HNRNPUL2: variants seen among roughly 807,000 people sequenced by gnomAD.
HNRNPUL2 encodes the protein heterogeneous nuclear ribonucleoprotein U like 2.
Under a neutral mutation model 102.2 loss-of-function variants are expected in HNRNPUL2, and 27 were observed. The observed-to-expected ratio is 0.26, with a 90% CI of 0.19 to 0.36. HNRNPUL2 has a LOEUF of 0.36. Among genes scored for constraint, HNRNPUL2 ranks in the 10% least tolerant of loss-of-function variants. The pLI, the probability that HNRNPUL2 is intolerant of heterozygous loss-of-function variation, is 1.00. For synonymous variants in HNRNPUL2, 458 were observed against 387.2 expected (o/e 1.18, Z -2.15); for missense variants, 936 against 981.1 (o/e 0.95, Z 0.61).
chr11:62,720,403 G>A (rs569560235), intron 9 of HNRNPUL2, among the ~76,000 whole-genome samples: 25 of 152,122 alleles, frequency 1.6e-4, no homozygotes, highest in African/African-American at 5.8e-4. Flanking sequence ...AAATTAACTC[G>A]GCATGATGGT....
chr11:62,722,630 C>T lies in HNRNPUL2; in HGVS notation c.1066G>A (p.Gly356Arg). 6.2e-7 allele frequency: 1 copy of T among 1,614,066 alleles called. No homozygotes were observed. Among genetic ancestry groups the T allele is most frequent in the South Asian group, 1.1e-5 (1 of 91,072 alleles). The change falls in exon 6 of 14, where the codon GGG (glycine) becomes AGG (arginine). Residue 356 changes from glycine (G) to arginine (R), a missense_variant. Coordinates refer to ENST00000301785, the MANE Select transcript of HNRNPUL2 (RefSeq NM_001079559.3). The part of the protein sequence containing the change: ...GQFEEFGQTF[G>R]ENDVIGCFAN... ...AAGCAGCCAATAACATCATTCTCCC[C>T]AAAAGTCTGGCCAAATTCCTCAAAT... is the stretch of plus-strand genomic sequence containing the variant.
intron 1 of HNRNPUL2, 64 bp downstream of exon 1, chr11:62,726,555 G>GC: frequency 1.4e-6 from 2 of 1,430,132 alleles, no homozygotes; most frequent in African/African-American, 2.9e-5. Context: ...GCGGTGCAGG[G>GC]CGGGGTGCTA....
At position 62,715,224 on chromosome 11, in the gene HNRNPUL2, G is replaced by T; in HGVS notation, c.*75C>A. On this transcript the variant is annotated 3_prime_UTR_variant, in exon 14 of 14. Transcript: ENST00000301785. Reference sequence around the variant, plus strand: ...CACCCCGACAGCCCCTGTTTTCCTTGGTTGTGTTTTGCGGGGGTGCCTGGC... The same window carrying T: ...CACCCCGACAGCCCCTGTTTTCCTTTGTTGTGTTTTGCGGGGGTGCCTGGC... 1 of 962,078 alleles carries T rather than the reference G, an allele frequency of 1.0e-6. No individual in the cohort carries two copies. The highest frequency in any genetic ancestry group is 1.5e-6 in the Non-Finnish European group (1 of 659,794). 59.6% of individuals were successfully genotyped at this position (962,078 alleles called of 1,614,324 possible). A position where few individuals can be genotyped will look rare whatever the true frequency, so the allele number is the denominator to read the frequency against.
At chr11:62,719,890 C>A in intron 10 of HNRNPUL2, 133 bp downstream of exon 10, 1 of 786,256 alleles carries the variant, frequency 1.3e-6, no homozygotes, top group Non-Finnish European at 2.0e-6. Flanking sequence ...GCAAGAAGGA[C>A]CTCACCAGAT....
chr11:62,721,922 T>G lies in HNRNPUL2; in HGVS notation c.1380A>C (p.Leu460=), dbSNP rs562479885. ...CCCACTGGGTCTTTCCAGATCCGGG[T>G]AGTCCCACCATCAGAATCACCTGCA... is the stretch of plus-strand genomic sequence containing the variant. ...EECEVILMVG[L]PGSGKTQWAL... is the part of the protein sequence containing the mutation. Residue 460 remains leucine (L), a synonymous_variant, in exon 8 of 14, where the codon CTA becomes CTC. Coordinates refer to ENST00000301785, the MANE Select transcript of HNRNPUL2 (RefSeq NM_001079559.3). 1.9e-6 allele frequency: 3 copies of G among 1,614,134 alleles called. No individual in the cohort carries two copies. The South Asian group carries it at 3.3e-5, about 18-fold the overall frequency.
Position 62,722,641 on chromosome 11 carries a change from C to T in HNRNPUL2, c.1055G>A (p.Gly352Asp). Residue 352 changes from glycine (G) to aspartate (D), a missense_variant, in exon 6 of 14, where the codon GGC becomes GAC. Physicochemically the swap from Gly to Asp is moderately conservative, Grantham distance 94 (BLOSUM62 -1). Transcript: ENST00000301785. Reference sequence around the variant, plus strand: ...AACATCATTCTCCCCAAAAGTCTGGCCAAATTCCTCAAATTGTCCATTTTC... The same window carrying T: ...AACATCATTCTCCCCAAAAGTCTGGTCAAATTCCTCAAATTGTCCATTTTC... ...KAENGQFEEF[G>D]QTFGENDVIG... is the part of the protein sequence containing the mutation. The T allele has an allele frequency of 6.2e-7, 1 of 1,614,146 alleles. No homozygotes were observed. The highest frequency in any genetic ancestry group is 8.5e-7 in the Non-Finnish European group (1 of 1,180,016).
chr11:62,722,523 T>C (rs1209484930), intron 6 of HNRNPUL2, 78 bp downstream of exon 6: 4 of 1,427,284 alleles, frequency 2.8e-6, no homozygotes, highest in South Asian at 2.3e-5. Flanking sequence ...AAGCCAGCAG[T>C]TGATGGGAAG....
intron 10 of HNRNPUL2, among the ~76,000 whole-genome samples, chr11:62,717,398 A>C (rs897014507): frequency 6.6e-6 from 1 of 152,228 alleles, no homozygotes; most frequent in South Asian, 2.1e-4. Context: ...ACCCAGGCAA[A>C]GGGCTATGTA....
chr11:62,716,756 G>A (rs2083663207), intron 11 of HNRNPUL2, among the ~76,000 whole-genome samples: 2 of 152,194 alleles, frequency 1.3e-5, no homozygotes, highest in African/African-American at 4.8e-5. Flanking sequence ...ATACTTTTGT[G>A]AAAAGTAACT....
In HNRNPUL2 at chr11:62,722,261, G is replaced by A; in HGVS notation, c.1215C>T (p.Cys405=). 1 of 1,614,146 alleles carries A rather than the reference G, an allele frequency of 6.2e-7. No homozygotes were observed. Among genetic ancestry groups the A allele is most frequent in the Non-Finnish European group, 8.5e-7 (1 of 1,180,022 alleles). ...AGTTTAATTCTACAACACAATTTTTGCAGAGGACATGGGGTAGAAGGGCCC... is the reference window on the plus strand; with the variant it reads ...AGTTTAATTCTACAACACAATTTTTACAGAGGACATGGGGTAGAAGGGCCC... ...ADRALLPHVL[C]KNCVVELNFG... The change falls in exon 7 of 14, where the codon TGC becomes TGT. Residue 405 remains cysteine, a synonymous_variant. Transcript: ENST00000301785.
At chr11:62,721,133 A>G (rs1291703963) in intron 9 of HNRNPUL2, among the ~76,000 whole-genome samples, 162 bp downstream of exon 9, 1 of 152,148 alleles carries the variant, frequency 6.6e-6, no homozygotes. Flanking sequence ...TATATTTTCA[A>G]GTAAAAACAC....
chr11:62,722,235 A>G lies in HNRNPUL2; in HGVS notation c.1241T>C (p.Phe414Ser). ...GAAGAAGGGCTCCTCCTTCTGACCG[A>G]AGTTTAATTCTACAACACAATTTTT... Reference protein sequence around the residue: ...LCKNCVVELNFGQKEEPFFPP... With the variant: ...LCKNCVVELNSGQKEEPFFPP... Residue 414 changes from phenylalanine (F) to serine (S), a missense_variant, in exon 7 of 14, where the codon TTC (phenylalanine) becomes TCC (serine). By Grantham distance (155) the Phe-to-Ser change is radical. Around this residue, in one of 2 missense-constraint regions of HNRNPUL2, gnomAD observed 609 missense variants for 713.0 expected, o/e 0.85. Transcript: ENST00000301785. 1 of 1,614,206 alleles carries G rather than the reference A, an allele frequency of 6.2e-7. No individual in the cohort carries two copies. Among genetic ancestry groups the G allele is most frequent in the Non-Finnish European group, 8.5e-7 (1 of 1,180,028 alleles).
At position 62,717,112 on chromosome 11, in the gene HNRNPUL2, G is replaced by A. The variant is rs377316545; in HGVS notation, c.1858C>T (p.Pro620Ser). 2 of 1,614,004 alleles carry A rather than the reference G, an allele frequency of 1.2e-6. No homozygotes were observed. Among genetic ancestry groups the A allele is most frequent in the African/African-American group, 2.7e-5 (2 of 74,906 alleles). Residue 620 changes from proline (P) to serine (S), a missense_variant, in exon 11 of 14, where the codon CCC becomes TCC. By Grantham distance (74) the Pro-to-Ser change is moderately conservative (BLOSUM62 -1). This residue lies in a region of HNRNPUL2 where 609 missense variants were observed against 713.0 expected (regional missense o/e 0.85). Transcript: ENST00000301785. ...YGELEKEEAQ[P>S]IVTKYKEEAR... is the part of the protein sequence containing the mutation. The stretch of plus-strand genomic sequence containing the variant: ...TCCTCCTTGTACTTAGTGACAATGG[G>A]CTGAGCTTCCTCCTTCTCCAGCTCC...
At chr11:62,722,486 A>C in intron 6 of HNRNPUL2, 106 bp from the exon 7 acceptor site, 2 of 1,461,548 alleles carry the variant, frequency 1.4e-6, no homozygotes, top group South Asian at 1.2e-5. Flanking sequence ...AAAGTAACTA[A>C]GCGAGCCACA....
In HNRNPUL2 at chr11:62,721,870, C is replaced by T. The variant is rs757103660; in HGVS notation, c.1432G>A (p.Glu478Lys). ...GCTCCCAGGACATTGTATCTTTTCTCAGGGTTTTCTTTTGCATATTTCAGT... is the reference window on the plus strand; with the variant it reads ...GCTCCCAGGACATTGTATCTTTTCTTAGGGTTTTCTTTTGCATATTTCAGT... ...WALKYAKENP[E>K]KRYNVLGAET... Residue 478 changes from glutamate to lysine, a missense_variant, in exon 8 of 14, where the codon GAG becomes AAG. Glu to Lys is a moderately conservative substitution (Grantham distance 56, BLOSUM62 1). Coordinates refer to ENST00000301785, the MANE Select transcript of HNRNPUL2 (RefSeq NM_001079559.3). The T allele has an allele frequency of 1.2e-6, 2 of 1,614,178 alleles. No individual in the cohort carries two copies. Among genetic ancestry groups the T allele is most frequent in the East Asian group, 4.5e-5 (2 of 44,892 alleles).
chr11:62,724,564 CATTTT>C (rs2083729726), intron 1 of HNRNPUL2, 138 bp from the exon 2 acceptor site: 1 of 918,566 alleles, frequency 1.1e-6, no homozygotes, highest in Admixed American at 2.7e-5. Context: ...ATTCACATAA[CATTTT>C]ATTTCTAAAG....
chr11:62,724,530 A>C, intron 1 of HNRNPUL2, 104 bp from the exon 2 acceptor site: 1 of 1,290,230 alleles, frequency 7.8e-7, no homozygotes, highest in Non-Finnish European at 1.1e-6. Flanking sequence ...TGTCTGATCA[A>C]AACAGCCAGG....
In HNRNPUL2 at chr11:62,713,845, G is replaced by C. The variant is rs1311781420; in HGVS notation, c.*1454C>G. ...GACAGTGCTGAGCAGGAGGATGAAT[G>C]AAAACTGAAGCTAGACATTGAAAGA... On this transcript the variant is annotated 3_prime_UTR_variant, in exon 14 of 14. Coordinates refer to ENST00000301785, the MANE Select transcript of HNRNPUL2 (RefSeq NM_001079559.3). The C allele has an allele frequency of 6.6e-6, 1 of 152,272 alleles. No individual in the cohort carries two copies. The highest frequency in any genetic ancestry group is 2.4e-5 in the African/African-American group (1 of 41,450). 9.4% of individuals were successfully genotyped at this position (152,272 alleles called of 1,614,324 possible). A position where few individuals can be genotyped will look rare whatever the true frequency, so the allele number is the denominator to read the frequency against.
chr11:62,726,275 G>A (rs1221884310), intron 1 of HNRNPUL2, among the ~76,000 whole-genome samples: 1 of 152,136 alleles, frequency 6.6e-6, no homozygotes, highest in African/African-American at 2.4e-5. Flanking sequence ...AGTTCTCCGT[G>A]TAATCCCCAA....
Sources: gnomAD v4.1 joint callset for allele counts (sites outside exome capture counted in the v4.1 genomes callset) on GRCh38, gnomAD v4.1.1 for gene constraint, gnomAD v4.1.1 regional missense constraint, MANE v1.5 for transcripts, NCBI Gene and HGNC (gene_info 2026-07-23, HGNC 2026-07-21) for gene names.